The following C1orf21 variants were observed in gnomAD, a reference collection of about 807,000 sequenced individuals.
The protein encoded by C1orf21 is uncharacterized protein C1orf21.
Under a neutral mutation model 18.7 loss-of-function variants are expected in C1orf21, and 3 were observed. That is an observed-to-expected ratio of 0.16 (90% CI 0.07 to 0.42). The LOEUF (loss-of-function observed/expected upper bound fraction) is 0.42. Ranked by LOEUF, C1orf21 falls within the 10% of genes least tolerant of loss-of-function variation. The probability of loss-of-function intolerance (pLI) is 0.99; values close to 1 mark genes in which losing one functional copy is unlikely to be tolerated. For synonymous variants in C1orf21, 41 were observed against 46.4 expected, an observed-to-expected ratio of 0.88 and a Z score of 0.47; for missense variants, 104 against 143.6, an observed-to-expected ratio of 0.72 and a Z score of 1.41.
intron 1 of C1orf21, among the ~76,000 whole-genome samples, chr1:184,443,994 CA>C (rs1290053138): frequency 6.6e-6 from 1 of 152,080 alleles, no homozygotes; most frequent in Non-Finnish European, 1.5e-5. Flanking sequence ...AAAATTATTT[CA>C]ATTATAAGAC....
intron 2 of C1orf21, among the ~76,000 whole-genome samples, 194 bp from the exon 3 acceptor site, chr1:184,507,394 T>C (rs1165221409): frequency 6.6e-6 from 1 of 152,112 alleles, no homozygotes; most frequent in Non-Finnish European, 1.5e-5. Context: ...CTTTTTCTAG[T>C]AGACAGAGGA....
chr1:184,392,351 C>G (rs992169842), intron 1 of C1orf21, among the ~76,000 whole-genome samples: 11 of 152,078 alleles, frequency 7.2e-5, no homozygotes, highest in African/African-American at 2.7e-4. Flanking sequence ...ACTGCTGCTC[C>G]CTCTAAGATA....
At chr1:184,476,452 T>A (rs774043035) in intron 1 of C1orf21, among the ~76,000 whole-genome samples, 1 of 152,286 alleles carries the variant, frequency 6.6e-6, no homozygotes, top group Middle Eastern at 3.4e-3. Context: ...GTAAGTCATC[T>A]ATAGGCCTGG....
intron 1 of C1orf21, among the ~76,000 whole-genome samples, chr1:184,462,174 TA>T (rs1657315890): frequency 6.6e-6 from 1 of 152,230 alleles, no homozygotes; most frequent in African/African-American, 2.4e-5. Flanking sequence ...GGACCACACC[TA>T]GTAATGAATA....
rs1558019504 is a variant in C1orf21 at position 184,626,740 on chromosome 1, T to A, written c.*7184T>A. 1 of 152,380 alleles carries A rather than the reference T, an allele frequency of 6.6e-6. No individual in the cohort carries two copies. The highest frequency in any genetic ancestry group is 2.4e-5 in the African/African-American group (1 of 41,426). 9.4% of individuals were successfully genotyped at this position (152,380 alleles called of 1,614,324 possible). On this transcript the variant is annotated 3_prime_UTR_variant, in exon 6 of 6. Transcript: ENST00000235307. ...TCCCTTACCCAGCCCCAACTCCTCT[T>A]CCTCTGCCAAAAGCTATTTGAATTC...
chr1:184,522,410 A>G (rs1010755617), intron 3 of C1orf21, among the ~76,000 whole-genome samples: 3 of 152,126 alleles, frequency 2.0e-5, no homozygotes, highest in Non-Finnish European at 4.4e-5. Context: ...TGTTTCTAAT[A>G]CCATTCTCCA....
intron 3 of C1orf21, among the ~76,000 whole-genome samples, chr1:184,534,183 T>C (rs184577867): frequency 6.6e-5 from 10 of 152,350 alleles, no homozygotes; most frequent in African/African-American, 2.2e-4. Context: ...CACTAGCTCA[T>C]TGGAGCCTCA....
chr1:184,579,624 C>T (rs1333853202), intron 3 of C1orf21, among the ~76,000 whole-genome samples: 2 of 151,180 alleles, frequency 1.3e-5, no homozygotes, highest in Non-Finnish European at 2.9e-5. Context: ...GATTCTCCTG[C>T]CTCAGCCTCC....
At chr1:184,413,643 G>A (rs1349139292) in intron 1 of C1orf21, among the ~76,000 whole-genome samples, 1 of 152,318 alleles carries the variant, frequency 6.6e-6, no homozygotes, top group Non-Finnish European at 1.5e-5. Flanking sequence ...TGTAGATACA[G>A]CGGCTGGCTG....
At position 184,487,767 on chromosome 1, in the gene C1orf21, T is replaced by C. The variant is rs568882604; in HGVS notation, c.94+10164T>C. ...ATCCTGGCTCGGCTACTCACTAACA[T>C]GTAGTCTTGGCAAATTTTTGAGGCT... On this transcript the variant is annotated intron_variant, in intron 2 of 5. Coordinates refer to ENST00000235307, the MANE Select transcript of C1orf21 (RefSeq NM_030806.4). 5.3e-5 allele frequency among the ~76,000 whole-genome samples: 8 copies of C among 152,352 alleles called. No individual in the cohort carries two copies. In the East Asian group the frequency reaches 1.5e-3, roughly 29 times the overall value.
At chr1:184,490,243 G>A (rs1307497794) in intron 2 of C1orf21, among the ~76,000 whole-genome samples, 1 of 152,230 alleles carries the variant, frequency 6.6e-6, no homozygotes, top group African/African-American at 2.4e-5. Flanking sequence ...AGGCTGTAAA[G>A]ACGGGTTAAA....
At chr1:184,550,682 A>G (rs1228110954) in intron 3 of C1orf21, among the ~76,000 whole-genome samples, 1 of 152,088 alleles carries the variant, frequency 6.6e-6, no homozygotes, top group East Asian at 1.9e-4. Flanking sequence ...CTTCAGGTGC[A>G]TGCCACCTAG....
At chr1:184,565,149 C>T (rs1039436124) in intron 3 of C1orf21, among the ~76,000 whole-genome samples, 27 of 152,128 alleles carry the variant, frequency 1.8e-4, no homozygotes, top group African/African-American at 6.5e-4. Flanking sequence ...TGAGGTTGAC[C>T]TGGTTACTTT....
intron 1 of C1orf21, among the ~76,000 whole-genome samples, chr1:184,419,669 G>A (rs949723081): frequency 2.6e-5 from 4 of 152,032 alleles, no homozygotes; most frequent in Admixed American, 2.0e-4. Flanking sequence ...AGAGCTTAAA[G>A]GACATAAAAT....
intron 1 of C1orf21, among the ~76,000 whole-genome samples, chr1:184,410,645 ATATATATATATATATATAT>A (rs1656328444): frequency 2.0e-4 from 1 of 4,974 alleles, no homozygotes; most frequent in East Asian, 7.5e-3. Context: ...ATATATATAT[ATATATATATATATATATAT>A]TTTTTTTTTT....
intron 3 of C1orf21, among the ~76,000 whole-genome samples, 162 bp from the exon 4 acceptor site, chr1:184,590,577 T>C (rs1335408515): frequency 6.6e-6 from 1 of 152,262 alleles, no homozygotes; most frequent in African/African-American, 2.4e-5. Flanking sequence ...AGGTTCTACC[T>C]GTTCTGTGTG....
In C1orf21 at chr1:184,508,611, C is replaced by A. The variant is rs567235179; in HGVS notation, c.189+929C>A. On this transcript the variant is annotated intron_variant, in intron 3 of 5. Transcript: ENST00000235307. The stretch of plus-strand genomic sequence containing the variant: ...CAGGAGTATTTAGGGCTGTTATTTT[C>A]CATTACACATTTGTGAATATTGGAG... Among the ~76,000 whole-genome samples, 6 of 152,240 alleles carry A rather than the reference C, an allele frequency of 3.9e-5. No homozygotes were observed. In the East Asian group the frequency reaches 1.2e-3, roughly 29 times the overall value.
intron 1 of C1orf21, among the ~76,000 whole-genome samples, chr1:184,475,735 GT>G (rs1275112888): frequency 0.14 from 51 of 360 alleles, no homozygotes; most frequent in Non-Finnish European, 0.21. Flanking sequence ...ATGGAATAGG[GT>G]GTGTGTGTGT....
intron 3 of C1orf21, among the ~76,000 whole-genome samples, chr1:184,563,116 T>G (rs1026767576): frequency 1.3e-5 from 2 of 152,196 alleles, no homozygotes; most frequent in Admixed American, 6.5e-5. Flanking sequence ...TTGCCAAGGT[T>G]TTGGTTCTTT....
Sources: allele counts gnomAD v4.1 joint callset (sites outside exome capture counted in the v4.1 genomes callset), GRCh38; gene constraint gnomAD v4.1.1; transcripts MANE v1.5; gene names NCBI Gene and HGNC (gene_info 2026-07-23, HGNC 2026-07-21).